INPP4B: variants seen among roughly 807,000 people sequenced by gnomAD.
The protein encoded by INPP4B is inositol polyphosphate 4-phosphatase type II.
In INPP4B, 55 loss-of-function variants were observed where a neutral mutation model predicts 122.5. The ratio of observed to expected loss-of-function variants is 0.45; its 90% CI spans 0.36 to 0.56. The LOEUF is 0.56. INPP4B is among the 20% of genes least tolerant of loss of function. The pLI, the probability that INPP4B is intolerant of heterozygous loss-of-function variation, is 0.00. For synonymous variants in INPP4B, 403 were observed against 388.7 expected, an observed-to-expected ratio of 1.04 and a Z score of -0.43; for missense variants, 1,000 against 1,097.7, an observed-to-expected ratio of 0.91 and a Z score of 1.26.
chr4:142,471,632 G>T (rs1028657565), intron 2 of INPP4B, among the ~76,000 whole-genome samples: 5 of 152,174 alleles, frequency 3.3e-5, no homozygotes, highest in Non-Finnish European at 5.9e-5. Context: ...AAGACAGTGG[G>T]GGCAGAGGTT....
chr4:142,443,137 C>T (rs1453071266), intron 3 of INPP4B, among the ~76,000 whole-genome samples: 1 of 152,092 alleles, frequency 6.6e-6, no homozygotes, highest in Non-Finnish European at 1.5e-5. Flanking sequence ...CCTCAAAAAA[C>T]CTGGTAATAA....
chr4:142,051,676 T>C (rs1754687550), intron 25 of INPP4B, among the ~76,000 whole-genome samples: 1 of 152,032 alleles, frequency 6.6e-6, no homozygotes, highest in Non-Finnish European at 1.5e-5. Context: ...TTAAAAGACA[T>C]TTAAAGCCAC....
At chr4:142,703,972 A>G (rs1288760838) in intron 2 of INPP4B, among the ~76,000 whole-genome samples, 1 of 152,170 alleles carries the variant, frequency 6.6e-6, no homozygotes, top group Non-Finnish European at 1.5e-5. Context: ...GCCAGGAGCA[A>G]GGACTGACCT....
intron 7 of INPP4B, among the ~76,000 whole-genome samples, chr4:142,316,662 GA>G (rs1322045533): frequency 6.6e-6 from 1 of 151,990 alleles, no homozygotes; most frequent in South Asian, 2.1e-4. Flanking sequence ...AAAGTGAAAA[GA>G]AAAAGTCAGA....
intron 2 of INPP4B, among the ~76,000 whole-genome samples, chr4:142,517,645 C>T (rs1825580312): frequency 6.6e-6 from 1 of 152,144 alleles, no homozygotes; most frequent in Non-Finnish European, 1.5e-5. Context: ...ATCTCCTCTT[C>T]AAAACGTCTT....
At chr4:142,677,052 T>A (rs548956237) in intron 2 of INPP4B, among the ~76,000 whole-genome samples, 11 of 151,822 alleles carry the variant, frequency 7.2e-5, no homozygotes, top group African/African-American at 2.7e-4. Context: ...AGAGTGAACA[T>A]GCAATCTACA....
intron 9 of INPP4B, among the ~76,000 whole-genome samples, chr4:142,288,546 G>A (rs1248894517): frequency 1.3e-5 from 2 of 152,100 alleles, no homozygotes; most frequent in African/African-American, 4.8e-5. Flanking sequence ...ATCGGCCACT[G>A]CACTCCAGCC....
chr4:142,470,613 A>T (rs1818642670), intron 2 of INPP4B, among the ~76,000 whole-genome samples: 1 of 152,188 alleles, frequency 6.6e-6, no homozygotes, highest in African/African-American at 2.4e-5. Context: ...TGCTGTTTAG[A>T]CAAACGACTG....
At chr4:142,709,101 G>A (rs955993289) in intron 2 of INPP4B, among the ~76,000 whole-genome samples, 1 of 152,190 alleles carries the variant, frequency 6.6e-6, no homozygotes, top group African/African-American at 2.4e-5. Flanking sequence ...CTGCCTTGCT[G>A]GGTCTTGGAC....
At chr4:142,374,398 A>G (rs561720842) in intron 7 of INPP4B, among the ~76,000 whole-genome samples, 2 of 152,054 alleles carry the variant, frequency 1.3e-5, no homozygotes, top group South Asian at 4.1e-4. Flanking sequence ...AGCAAAGCTT[A>G]CCCAGATAGG....
chr4:142,570,200 G>A (rs1732507487), intron 2 of INPP4B, among the ~76,000 whole-genome samples: 1 of 151,944 alleles, frequency 6.6e-6, no homozygotes, highest in African/African-American at 2.4e-5. Context: ...ATAATAAAGT[G>A]AGTTTCAATG....
chr4:142,072,807 A>C (rs574415548), intron 25 of INPP4B, among the ~76,000 whole-genome samples: 1 of 152,076 alleles, frequency 6.6e-6, no homozygotes, highest in African/African-American at 2.4e-5. Context: ...TGCTGGTGAA[A>C]TTATCACTAC....
chr4:142,126,543 T>G (rs1798698146), intron 18 of INPP4B, among the ~76,000 whole-genome samples: 1 of 152,136 alleles, frequency 6.6e-6, no homozygotes, highest in Admixed American at 6.5e-5. Context: ...TAAAATACAT[T>G]AGAATGTTAG....
At position 142,814,335 on chromosome 4, in the gene INPP4B, G is replaced by A. The variant is rs1349796836; in HGVS notation, c.-254+31874C>T. Among the ~76,000 whole-genome samples, 3 of 152,034 alleles carry A rather than the reference G, an allele frequency of 2.0e-5. No individual in the cohort carries two copies. In the East Asian group the frequency reaches 5.8e-4, roughly 29 times the overall value. ...TTTCCCCAACATCCCAGAAGTTAAAGGAAAACTACTTAAAGCATGAAATAA... is the reference window on the plus strand; with the variant it reads ...TTTCCCCAACATCCCAGAAGTTAAAAGAAAACTACTTAAAGCATGAAATAA... On this transcript the variant is annotated intron_variant, in intron 1 of 25. Transcript: ENST00000262992.
intron 9 of INPP4B, among the ~76,000 whole-genome samples, chr4:142,271,060 T>C (rs1745571262): frequency 6.6e-6 from 1 of 151,778 alleles, no homozygotes; most frequent in African/African-American, 2.4e-5. Context: ...ACCTCCCAGA[T>C]TCAAGAGATT....
At chr4:142,800,016 G>C (rs931299903) in intron 1 of INPP4B, among the ~76,000 whole-genome samples, 2 of 151,900 alleles carry the variant, frequency 1.3e-5, no homozygotes, top group Admixed American at 1.3e-4. Context: ...GAATCTAAAA[G>C]AAGTCCAATA....
At position 142,123,325 on chromosome 4, in the gene INPP4B, T is replaced by C. The variant is rs370185645; in HGVS notation, c.1984A>G (p.Ile662Val). ...CTTAGCAGTCCTTCATATTGTACTA[T>C]CAACCCCACTGTGTGAAGCTGCTGT... ...FLQQLHTVGL[I>V]VQYEGLLSTY... is the part of the protein sequence containing the mutation. Residue 662 changes from isoleucine (I) to valine (V), a missense_variant, in exon 20 of 26, where the codon ATA becomes GTA. Ile to Val is a conservative substitution (Grantham distance 29). Transcript: ENST00000262992. 2.5e-6 allele frequency: 4 copies of C among 1,612,808 alleles called. No individual in the cohort carries two copies. In the African/African-American group the frequency reaches 5.3e-5, roughly 22 times the overall value.
chr4:142,090,088 A>G (rs983168461), intron 23 of INPP4B, among the ~76,000 whole-genome samples: 1 of 152,176 alleles, frequency 6.6e-6, no homozygotes, highest in African/African-American at 2.4e-5. Context: ...TTATCAAAAT[A>G]ATTTTGTTTC....
At chr4:142,844,586 A>C (rs1461596064) in intron 1 of INPP4B, among the ~76,000 whole-genome samples, 1 of 152,240 alleles carries the variant, frequency 6.6e-6, no homozygotes, top group East Asian at 1.9e-4. Context: ...TTATATCACA[A>C]AGGAACACAT....
Sources: gnomAD v4.1 joint callset for allele counts (sites outside exome capture counted in the v4.1 genomes callset) on GRCh38, gnomAD v4.1.1 for gene constraint, MANE v1.5 for transcripts, NCBI Gene and HGNC (gene_info 2026-07-23, HGNC 2026-07-21) for gene names.